ANKRD31: variants seen among roughly 807,000 people sequenced by gnomAD.
ANKRD31 encodes ankyrin repeat domain 31, also known as ankyrin repeat domain-containing protein 31.
In ANKRD31, 147 loss-of-function variants were observed where a neutral mutation model predicts 186.0. The ratio of observed to expected loss-of-function variants is 0.79; its 90% confidence interval spans 0.69 to 0.91. ANKRD31 has a LOEUF of 0.91. Among genes scored for constraint, ANKRD31 ranks in the 40% least tolerant of loss-of-function variants. The pLI is 0.00. For missense variants in ANKRD31, 1,986 were observed against 2,148.8 expected (o/e 0.92, Z 1.50); for synonymous variants, 673 against 736.4 (o/e 0.91, Z 1.39).
chr5:75,170,742 T>G (rs903415571), intron 10 of ANKRD31, among the ~76,000 whole-genome samples: 1 of 151,868 alleles, frequency 6.6e-6, no homozygotes, highest in Non-Finnish European at 1.5e-5. Flanking sequence ...CACAGATAGG[T>G]TGAAAATAAA....
rs192164317 is a variant in ANKRD31 at position 75,196,954 on chromosome 5, G to C, written c.448-754C>G. ...CTCACTCTGTCACCCAGGCTGGAGTGCAGTGGTGCCATCTCAGCTCACTGC... is the reference window on the plus strand; with the variant it reads ...CTCACTCTGTCACCCAGGCTGGAGTCCAGTGGTGCCATCTCAGCTCACTGC... On this transcript the variant is annotated intron_variant, in intron 6 of 25. Coordinates refer to ENST00000506364, the MANE Select transcript of ANKRD31 (RefSeq NM_001372053.1). Among the ~76,000 whole-genome samples the C allele has an allele frequency of 2.7e-3, 411 of 151,670 alleles. 1 individual carries two copies. The highest frequency in any genetic ancestry group is 8.9e-3 in the African/African-American group (368 of 41,326).
chr5:75,196,946 G>T (rs370659434), intron 6 of ANKRD31, among the ~76,000 whole-genome samples: 1 of 151,634 alleles, frequency 6.6e-6, no homozygotes, highest in Non-Finnish European at 1.5e-5. Flanking sequence ...TGTCACCCAG[G>T]CTGGAGTGCA....
chr5:75,072,973 C>T lies in ANKRD31; in HGVS notation c.5648-4309G>A, dbSNP rs192330359. On this transcript the variant is annotated intron_variant, in intron 25 of 25. Transcript: ENST00000506364. ...GCCATCTTTATAACTACGATAATTC[C>T]TATTGTTCCACAGTGATTGTTTTAG... is the stretch of plus-strand genomic sequence containing the variant. 7.9e-5 allele frequency among the ~76,000 whole-genome samples: 12 copies of T among 152,250 alleles called. 1 individual carries two copies. The highest frequency in any genetic ancestry group is 3.4e-3 in the Middle Eastern group (1 of 292).
chr5:75,119,301 G>C (rs536479821), intron 17 of ANKRD31, among the ~76,000 whole-genome samples: 4 of 152,100 alleles, frequency 2.6e-5, no homozygotes, highest in African/African-American at 9.7e-5. Context: ...TCATCTTTAT[G>C]ATCATGTGTA....
At chr5:75,080,712 G>A (rs1015160608) in intron 24 of ANKRD31, 73 bp from the exon 25 acceptor site, 1 of 845,208 alleles carries the variant, frequency 1.2e-6, no homozygotes, top group Non-Finnish European at 1.7e-6. Context: ...CAGGATGATG[G>A]TCACCCTACC....
intron 15 of ANKRD31, among the ~76,000 whole-genome samples, chr5:75,143,612 G>T (rs1751211347): frequency 6.6e-6 from 1 of 152,084 alleles, no homozygotes; most frequent in Non-Finnish European, 1.5e-5. Flanking sequence ...AACACACATA[G>T]TTCACTCATC....
chr5:75,233,294 C>T (rs79921239), intron 1 of ANKRD31, among the ~76,000 whole-genome samples: 14 of 151,924 alleles, frequency 9.2e-5, no homozygotes, highest in African/African-American at 2.9e-4. Context: ...AACTCCTGAC[C>T]TCAAGTGATC....
chr5:75,129,781 T>C (rs1378407813), intron 17 of ANKRD31, among the ~76,000 whole-genome samples: 1 of 152,204 alleles, frequency 6.6e-6, no homozygotes, highest in Non-Finnish European at 1.5e-5. Context: ...TCACTGGGGC[T>C]TGTCGGACAG....
intron 4 of ANKRD31, among the ~76,000 whole-genome samples, chr5:75,209,410 C>A (rs1407548473): frequency 6.6e-6 from 1 of 152,208 alleles, no homozygotes; most frequent in Non-Finnish European, 1.5e-5. Context: ...CACACGGTGG[C>A]TCATGCCTGT....
chr5:75,070,194 C>T (rs751628510), intron 25 of ANKRD31, among the ~76,000 whole-genome samples: 11 of 152,108 alleles, frequency 7.2e-5, no homozygotes, highest in African/African-American at 1.9e-4. Context: ...TATAGACTTC[C>T]GGAAACAAGG....
intron 13 of ANKRD31, among the ~76,000 whole-genome samples, chr5:75,147,945 A>G (rs538050023): frequency 6.6e-6 from 1 of 151,968 alleles, no homozygotes; most frequent in African/African-American, 2.4e-5. Context: ...AGAGAAAATC[A>G]AAGAAAGCAG....
At chr5:75,165,992 G>T (rs531235788) in intron 11 of ANKRD31, among the ~76,000 whole-genome samples, 1 of 152,166 alleles carries the variant, frequency 6.6e-6, no homozygotes, top group African/African-American at 2.4e-5. Context: ...TAGGTGAAAT[G>T]ATATCGCGAG....
In ANKRD31 at chr5:75,206,504, TA is replaced by T; in HGVS notation, c.327-18del. ...TTTCTAGTCCTAAAAAATCAATTAA[TA>T]AAAATAAATTTTAAAATGGAAGAAA... On this transcript the variant is annotated intron_variant, in intron 4 of 25. Transcript: ENST00000506364. 7.4e-7 allele frequency: 1 copy of T among 1,356,850 alleles called. No homozygotes were observed. Among genetic ancestry groups the T allele is most frequent in the Non-Finnish European group, 9.6e-7 (1 of 1,042,084 alleles). 84.1% of individuals were successfully genotyped at this position (1,356,850 alleles called of 1,614,324 possible). A position where few individuals can be genotyped will look rare whatever the true frequency, so the allele number is the denominator to read the frequency against.
intron 15 of ANKRD31, among the ~76,000 whole-genome samples, chr5:75,140,331 T>TAGGAAGGA (rs1239804093): frequency 1.9e-5 from 1 of 52,940 alleles, no homozygotes; most frequent in East Asian, 5.6e-4. Context: ...GGAAGGAAGG[T>TAGGAAGGA]AGGAAGGAAG....
At chr5:75,075,779 G>A (rs1176139549) in intron 25 of ANKRD31, among the ~76,000 whole-genome samples, 1 of 152,118 alleles carries the variant, frequency 6.6e-6, no homozygotes, top group African/African-American at 2.4e-5. Context: ...TAATGTTGAG[G>A]GGAGGAGGGT....
intron 3 of ANKRD31, among the ~76,000 whole-genome samples, chr5:75,221,691 G>C (rs1241072751): frequency 2.0e-5 from 3 of 151,960 alleles, no homozygotes; most frequent in Non-Finnish European, 4.4e-5. Flanking sequence ...TGCCGCCCCT[G>C]GGAAAGCAAA....
chr5:75,097,820 G>T (rs907723351), intron 22 of ANKRD31, among the ~76,000 whole-genome samples: 3 of 152,102 alleles, frequency 2.0e-5, no homozygotes, highest in Admixed American at 2.0e-4. Flanking sequence ...AATCCATCTT[G>T]AATTAATTTT....
intron 2 of ANKRD31, among the ~76,000 whole-genome samples, 179 bp downstream of exon 2, chr5:75,230,383 T>C (rs1419234408): frequency 1.3e-5 from 2 of 152,260 alleles, no homozygotes; most frequent in African/African-American, 4.8e-5. Flanking sequence ...GATGTTCTTG[T>C]GACCAGAAAT....
intron 20 of ANKRD31, among the ~76,000 whole-genome samples, chr5:75,110,685 G>A (rs923709268): frequency 1.4e-5 from 2 of 147,104 alleles, no homozygotes; most frequent in African/African-American, 2.5e-5. Context: ...CTCCAACCTG[G>A]TGACAGAGTG....
Sources: allele counts gnomAD v4.1 joint callset (sites outside exome capture counted in the v4.1 genomes callset), GRCh38; gene constraint gnomAD v4.1.1; transcripts MANE v1.5; gene names NCBI Gene and HGNC (gene_info 2026-07-23, HGNC 2026-07-21).